The following PREX2 variants were observed in gnomAD, a reference collection of about 807,000 sequenced individuals.
PREX2 encodes the protein phosphatidylinositol 3,4,5-trisphosphate-dependent Rac exchanger 2 protein.
Under a neutral mutation model 203.2 loss-of-function variants are expected in PREX2, and 107 were observed. The ratio of observed to expected loss-of-function variants is 0.53; its 90% CI spans 0.45 to 0.62. The LOEUF (loss-of-function observed/expected upper bound fraction) is 0.62, where lower values mean the gene tolerates loss of function less well. Ranked by LOEUF, PREX2 falls within the 20% of genes least tolerant of loss-of-function variation. The probability of loss-of-function intolerance (pLI) is 0.00; values close to 1 mark genes in which losing one functional copy is unlikely to be tolerated. For synonymous variants in PREX2, 672 were observed against 663.6 expected, an observed-to-expected ratio of 1.01 and a Z score of -0.19; for missense variants, 1,777 against 1,955.9, an observed-to-expected ratio of 0.91 and a Z score of 1.72.
chr8:68,085,456 A>G (rs1236096162), intron 18 of PREX2, among the ~76,000 whole-genome samples: 1 of 152,074 alleles, frequency 6.6e-6, no homozygotes, highest in Non-Finnish European at 1.5e-5. Context: ...AGCTTCTTGG[A>G]ATTTAAGTAG....
chr8:68,159,037 A>G (rs1366423056), intron 35 of PREX2, among the ~76,000 whole-genome samples: 1 of 152,188 alleles, frequency 6.6e-6, no homozygotes, highest in Non-Finnish European at 1.5e-5. Context: ...ATAACTAAAA[A>G]TAAAATTTGA....
chr8:68,136,270 C>A (rs1811110762), intron 32 of PREX2, among the ~76,000 whole-genome samples: 1 of 150,382 alleles, frequency 6.6e-6, no homozygotes, highest in African/African-American at 2.4e-5. Flanking sequence ...GGTTTTTTTT[C>A]AACTGGTCTT....
At chr8:68,117,601 C>T (rs1027969554) in intron 26 of PREX2, among the ~76,000 whole-genome samples, 1 of 152,122 alleles carries the variant, frequency 6.6e-6, no homozygotes, top group Non-Finnish European at 1.5e-5. Flanking sequence ...TCCCTCTAGG[C>T]TAAGATAGAA....
chr8:68,120,424 A>G (rs1024424189), intron 29 of PREX2, 138 bp downstream of exon 29: 4 of 595,338 alleles, frequency 6.7e-6, no homozygotes, highest in Non-Finnish European at 1.2e-5. Flanking sequence ...CACTACTTCT[A>G]TTCTGATAAT....
At chr8:67,963,679 T>A (rs1215750917) in intron 1 of PREX2, among the ~76,000 whole-genome samples, 1 of 152,172 alleles carries the variant, frequency 6.6e-6, no homozygotes, top group African/African-American at 2.4e-5. Context: ...ATTTTTTTTT[T>A]ACCTGTACTT....
chr8:68,114,336 C>T (rs1409973857), intron 25 of PREX2: 1 of 504,146 alleles, frequency 2.0e-6, no homozygotes, highest in Admixed American at 2.0e-5. Context: ...AAATAACAAA[C>T]ATTACATTGC....
rs772326432 is a variant in PREX2, at chr8:68,192,406, A to G, written c.4485A>G (p.Thr1495=). ...LVASFIRSKR[T]AACANTACSA... The stretch of plus-strand genomic sequence containing the variant: ...CCTCGTTTATCAGATCCAAGCGCAC[A>G]GCTGCCTGTGCAAACACAGCTTGCA... The change falls in exon 37 of 40, where the codon ACA becomes ACG. Residue 1495 remains threonine (T), a synonymous_variant. Transcript: ENST00000288368. 19 of 1,613,976 alleles carry G rather than the reference A, an allele frequency of 1.2e-5. No individual in the cohort carries two copies. The highest frequency in any genetic ancestry group is 1.5e-5 in the Non-Finnish European group (18 of 1,179,980).
chr8:68,077,379 T>G lies in PREX2; in HGVS notation c.1570-18T>G. The stretch of plus-strand genomic sequence containing the variant: ...TTTAGTTGCCTATTAACTCCCACAG[T>G]GCTTTTTTGGTTAACAGGGAGATTG... On this transcript the variant is annotated intron_variant, in intron 14 of 39. Transcript: ENST00000288368. 1 of 1,604,662 alleles carries G rather than the reference T, an allele frequency of 6.2e-7. No homozygotes were observed. Among genetic ancestry groups the G allele is most frequent in the Non-Finnish European group, 8.5e-7 (1 of 1,171,388 alleles).
chr8:68,234,143 A>G lies in PREX2; in HGVS notation c.*2765A>G, dbSNP rs889050074. 2.0e-5 allele frequency: 3 copies of G among 152,198 alleles called. No homozygotes were observed. The highest frequency in any genetic ancestry group is 7.2e-5 in the African/African-American group (3 of 41,466). 9.4% of individuals were successfully genotyped at this position (152,198 alleles called of 1,614,324 possible). A position where few individuals can be genotyped will look rare whatever the true frequency, so the allele number is the denominator to read the frequency against. On this transcript the variant is annotated 3_prime_UTR_variant, in exon 40 of 40. Coordinates refer to ENST00000288368, the MANE Select transcript of PREX2 (RefSeq NM_024870.4). ...CTCATACAACTTTATTATAATTCCAACACAGTGGTAAGAGTAAAAAACATA... is the reference window on the plus strand; with the variant it reads ...CTCATACAACTTTATTATAATTCCAGCACAGTGGTAAGAGTAAAAAACATA...
At chr8:68,073,049 T>G (rs1809246092) in intron 14 of PREX2, among the ~76,000 whole-genome samples, 1 of 151,944 alleles carries the variant, frequency 6.6e-6, no homozygotes, top group South Asian at 2.1e-4. Context: ...ATTGTTGACC[T>G]GCTTCTCAAG....
At chr8:68,009,360 A>C (rs973427085) in intron 1 of PREX2, among the ~76,000 whole-genome samples, 1 of 152,152 alleles carries the variant, frequency 6.6e-6, no homozygotes, top group Non-Finnish European at 1.5e-5. Flanking sequence ...CTTTTCTTTC[A>C]TTGTGCTGTG....
chr8:68,136,985 G>A lies in PREX2; in HGVS notation c.3985-1430G>A, dbSNP rs371734232. 5.4e-4 allele frequency among the ~76,000 whole-genome samples: 82 copies of A among 150,612 alleles called. 1 individual carries two copies. In the East Asian group the frequency reaches 0.013, roughly 24 times the overall value. ...CAGTGGCGCAATCTCAGCTCACTGC[G>A]ACCTCTGGCTCCCAGGTTCAAGTGA... On this transcript the variant is annotated intron_variant, in intron 32 of 39. Coordinates refer to ENST00000288368, the MANE Select transcript of PREX2 (RefSeq NM_024870.4).
chr8:68,155,285 T>G (rs1305969001), intron 34 of PREX2, among the ~76,000 whole-genome samples: 1 of 152,164 alleles, frequency 6.6e-6, no homozygotes, highest in Non-Finnish European at 1.5e-5. Flanking sequence ...AAATTAAAAA[T>G]CTGTGAAACA....
chr8:68,039,887 C>G (rs980669110), intron 7 of PREX2, among the ~76,000 whole-genome samples: 1 of 152,196 alleles, frequency 6.6e-6, no homozygotes, highest in African/African-American at 2.4e-5. Context: ...TGTCTCCTAA[C>G]TGACCCACCA....
intron 28 of PREX2, 103 bp from the exon 29 acceptor site, chr8:68,120,093 A>T: frequency 1.4e-6 from 1 of 725,978 alleles, no homozygotes; most frequent in Non-Finnish European, 2.3e-6. Flanking sequence ...GGTTTCAAAA[A>T]TAATTGTTGC....
chr8:68,093,469 A>T, intron 20 of PREX2, 136 bp from the exon 21 acceptor site: 2 of 449,640 alleles, frequency 4.4e-6, no homozygotes, highest in Non-Finnish European at 8.4e-6. Context: ...TTAGTTTCTG[A>T]TGTTAATTGT....
intron 1 of PREX2, among the ~76,000 whole-genome samples, chr8:68,000,854 A>G (rs1025281780): frequency 3.3e-5 from 5 of 151,878 alleles, no homozygotes; most frequent in Non-Finnish European, 7.4e-5. Flanking sequence ...GGGAGAAAAA[A>G]CTCCCTATTC....
intron 1 of PREX2, among the ~76,000 whole-genome samples, chr8:68,006,934 G>A (rs1350231188): frequency 6.6e-6 from 1 of 151,942 alleles, no homozygotes; most frequent in Non-Finnish European, 1.5e-5. Context: ...TTTTTTTGAT[G>A]GTTAATTTTC....
intron 1 of PREX2, among the ~76,000 whole-genome samples, chr8:67,986,385 A>T (rs543164676): frequency 6.6e-6 from 1 of 152,136 alleles, no homozygotes; most frequent in South Asian, 2.1e-4. Flanking sequence ...TGGCCAGTAC[A>T]CTACATTGCC....
Sources: gnomAD v4.1 joint callset for allele counts (sites outside exome capture counted in the v4.1 genomes callset) on GRCh38, gnomAD v4.1.1 for gene constraint, MANE v1.5 for transcripts, NCBI Gene and HGNC (gene_info 2026-07-23, HGNC 2026-07-21) for gene names.